WIPF3: variants seen among roughly 807,000 people sequenced by gnomAD.
The protein encoded by WIPF3 is WAS/WASL interacting protein family member 3.
In WIPF3, 33 loss-of-function variants were observed where a neutral mutation model predicts 38.9. That is an observed-to-expected ratio of 0.85 (90% CI 0.64 to 1.14). The LOEUF (loss-of-function observed/expected upper bound fraction) is 1.14. Among genes scored for constraint, WIPF3 ranks in the 50% most tolerant of loss-of-function variants. The pLI is 0.00. For missense variants in WIPF3, 711 were observed against 652.5 expected (o/e 1.09, Z -0.98); for synonymous variants, 324 against 269.3 (o/e 1.20, Z -1.99).
Position 29,884,187 on chromosome 7 carries a change from C to A in WIPF3, c.693C>A (p.Pro231=). ...CACCACCTCCACCTCCGCCACCTCC[C>A]CCAACGCCACCCCCGCTGCCCCCGG... ...CAPPPPPPPP[P]PTPPPLPPAS... is the part of the protein sequence containing the mutation. The change falls in exon 5 of 9, where the codon CCC becomes CCA. Residue 231 remains proline, a synonymous_variant. Coordinates refer to ENST00000242140, the MANE Select transcript of WIPF3 (RefSeq NM_001080529.3). 1 of 1,522,388 alleles carries A rather than the reference C, an allele frequency of 6.6e-7. No individual in the cohort carries two copies. Among genetic ancestry groups the A allele is most frequent in the Non-Finnish European group, 8.9e-7 (1 of 1,129,728 alleles). The allele number at this position is 1,522,388 out of a possible 1,614,324, so 94.3% of individuals were successfully genotyped here.
chr7:29,849,836 G>T (rs1280834098), intron 2 of WIPF3, among the ~76,000 whole-genome samples: 1 of 152,228 alleles, frequency 6.6e-6, no homozygotes, highest in African/African-American at 2.4e-5. Context: ...CCTTAGCATA[G>T]GTCAGTGTAT....
At chr7:29,829,809 T>C (rs527474565) in intron 1 of WIPF3, among the ~76,000 whole-genome samples, 1 of 152,304 alleles carries the variant, frequency 6.6e-6, no homozygotes, top group East Asian at 1.9e-4. Flanking sequence ...GAAGTGAGTG[T>C]TAGTTCTGTT....
At chr7:29,829,293 A>G (rs941334344) in intron 1 of WIPF3, among the ~76,000 whole-genome samples, 4 of 141,298 alleles carry the variant, frequency 2.8e-5, no homozygotes, top group African/African-American at 8.0e-5. Context: ...GCTCACTGCA[A>G]CCTCCGCCTC....
At chr7:29,822,670 A>G (rs759871583) in intron 1 of WIPF3, among the ~76,000 whole-genome samples, 5 of 152,218 alleles carry the variant, frequency 3.3e-5, no homozygotes, top group Non-Finnish European at 5.9e-5. Flanking sequence ...CCACAAATGT[A>G]TCGTCTACAG....
intron 2 of WIPF3, among the ~76,000 whole-genome samples, chr7:29,840,641 G>T (rs965737897): frequency 3.3e-5 from 5 of 152,138 alleles, no homozygotes; most frequent in African/African-American, 9.7e-5. Flanking sequence ...CATCTATGTT[G>T]TGAAAGAAAA....
intron 1 of WIPF3, among the ~76,000 whole-genome samples, chr7:29,826,177 T>G (rs530435889): frequency 2.0e-5 from 3 of 152,250 alleles, no homozygotes; most frequent in African/African-American, 7.2e-5. Flanking sequence ...TCTTCAAACT[T>G]TAGCGAGCAT....
chr7:29,887,615 G>A (rs1000899422), intron 5 of WIPF3, among the ~76,000 whole-genome samples: 1 of 152,146 alleles, frequency 6.6e-6, no homozygotes, highest in Non-Finnish European at 1.5e-5. Context: ...GCCCCTGGCC[G>A]CTCCCTCTTC....
rs566417123 is a variant in WIPF3, at chr7:29,913,480, G to A, written c.1429-1013G>A. 7.2e-5 allele frequency among the ~76,000 whole-genome samples: 11 copies of A among 152,074 alleles called. No homozygotes were observed. In the East Asian group the frequency reaches 1.4e-3, roughly 19 times the overall value. Reference sequence around the variant, plus strand: ...CTGATTTGTACTTTCTTCTTTTGGCGTTTATGCAATTTCCAAGTTTTCTAC... The same window carrying A: ...CTGATTTGTACTTTCTTCTTTTGGCATTTATGCAATTTCCAAGTTTTCTAC... On this transcript the variant is annotated intron_variant, in intron 8 of 8. Transcript: ENST00000242140.
At chr7:29,886,358 T>C (rs1014746064) in intron 5 of WIPF3, among the ~76,000 whole-genome samples, 1 of 138,930 alleles carries the variant, frequency 7.2e-6, no homozygotes. Flanking sequence ...TTTTTTTTTT[T>C]TTTTTTTTTT....
chr7:29,884,141 C>T lies in WIPF3; in HGVS notation c.647C>T (p.Ala216Val), dbSNP rs905929443. The change falls in exon 5 of 9, where the codon GCA (alanine) becomes GTA (valine). Residue 216 changes from alanine (A) to valine (V), a missense_variant. Transcript: ENST00000242140. Reference sequence around the variant, plus strand: ...ACCAAAGGGAACCTCCCGGTGGTTGCACCCCCCGTCCCCTGTGCGCCACCA... The same window carrying T: ...ACCAAAGGGAACCTCCCGGTGGTTGTACCCCCCGTCCCCTGTGCGCCACCA... The part of the protein sequence containing the change: ...PLTKGNLPVV[A>V]PPVPCAPPPP... 288 of 1,531,562 alleles carry T rather than the reference C, an allele frequency of 1.9e-4. No homozygotes were observed. The highest frequency in any genetic ancestry group is 2.4e-4 in the Non-Finnish European group (272 of 1,137,020). 94.9% of individuals were successfully genotyped at this position (1,531,562 alleles called of 1,614,324 possible).
intron 7 of WIPF3, among the ~76,000 whole-genome samples, chr7:29,892,492 G>A (rs184777689): frequency 3.3e-5 from 5 of 152,390 alleles, no homozygotes; most frequent in Admixed American, 3.3e-4. Flanking sequence ...TTCCAGGGCC[G>A]TCATGGACCC....
Position 29,882,789 on chromosome 7 carries a change from T to G in WIPF3, c.356-1061T>G, listed in dbSNP as rs148278386. Among the ~76,000 whole-genome samples, 720 of 152,302 alleles carry G rather than the reference T, an allele frequency of 4.7e-3. 5 individuals carry two copies. The highest frequency in any genetic ancestry group is 0.028 in the East Asian group (145 of 5,186). On this transcript the variant is annotated intron_variant, in intron 4 of 8. Transcript: ENST00000242140. ...TGAGAAAACATCATTTTTCAAGTGT[T>G]GTCCACATGTTGTCATGGTGATTAT... is the stretch of plus-strand genomic sequence containing the variant.
chr7:29,893,423 G>A (rs964630767), intron 7 of WIPF3, among the ~76,000 whole-genome samples: 1 of 152,266 alleles, frequency 6.6e-6, no homozygotes, highest in East Asian at 1.9e-4. Context: ...TGGAAATATA[G>A]AACAATGAAG....
At chr7:29,904,428 A>G (rs1033048728) in intron 8 of WIPF3, 66 bp downstream of exon 8, 6 of 1,517,350 alleles carry the variant, frequency 4.0e-6, no homozygotes, top group Admixed American at 1.7e-5. Context: ...CAGAAATGGT[A>G]AGGGTATGCT....
In WIPF3 at chr7:29,906,579, TAGA is replaced by T. The variant is rs557225703; in HGVS notation, c.1428+2220_1428+2222del. Among the ~76,000 whole-genome samples the T allele has an allele frequency of 1.2e-4, 18 of 152,000 alleles. 1 individual carries two copies. The highest frequency in any genetic ancestry group is 2.4e-4 in the Non-Finnish European group (16 of 67,994). ...ATTAACACGCTTATTGTGGGAGTTC[TAGA>T]AGGAGAAAGGAAAGAAAAAGGGTAA... On this transcript the variant is annotated intron_variant, in intron 8 of 8. Transcript: ENST00000242140.
intron 2 of WIPF3, among the ~76,000 whole-genome samples, chr7:29,866,633 G>A (rs959089065): frequency 1.3e-5 from 2 of 152,250 alleles, no homozygotes; most frequent in Non-Finnish European, 2.9e-5. Flanking sequence ...CTGTCATTCA[G>A]CCTTGGCTGT....
intron 2 of WIPF3, among the ~76,000 whole-genome samples, chr7:29,837,412 T>C (rs944682623): frequency 6.6e-6 from 1 of 152,220 alleles, no homozygotes; most frequent in African/African-American, 2.4e-5. Flanking sequence ...TGAAATCAAC[T>C]ACTTAATATA....
At chr7:29,897,056 A>G (rs1367945750) in intron 7 of WIPF3, among the ~76,000 whole-genome samples, 1 of 152,208 alleles carries the variant, frequency 6.6e-6, no homozygotes, top group Non-Finnish European at 1.5e-5. Context: ...TCACTGCTCT[A>G]GGTACCTCAT....
intron 4 of WIPF3, among the ~76,000 whole-genome samples, chr7:29,882,833 C>A (rs192489831): frequency 2.1e-3 from 316 of 152,226 alleles, no homozygotes; most frequent in African/African-American, 6.8e-3. Flanking sequence ...GGGGAAAACA[C>A]CCCCCAGAAT....
Sources: allele counts gnomAD v4.1 joint callset (sites outside exome capture counted in the v4.1 genomes callset), GRCh38; gene constraint gnomAD v4.1.1; transcripts MANE v1.5; gene names NCBI Gene and HGNC (gene_info 2026-07-23, HGNC 2026-07-21).